The following DCPS variants were observed in gnomAD, a reference collection of about 807,000 sequenced individuals.
The protein encoded by DCPS is decapping enzyme, scavenger, also known as m7GpppX diphosphatase.
Under a neutral mutation model 34.7 loss-of-function variants are expected in DCPS, and 27 were observed. The observed-to-expected ratio is 0.78, with a 90% confidence interval of 0.57 to 1.07. DCPS has a LOEUF of 1.07. Ranked by LOEUF, DCPS falls within the 50% of genes least tolerant of loss-of-function variation. The pLI is 0.00. For missense variants in DCPS, 464 were observed against 436.9 expected (o/e 1.06, Z -0.55); for synonymous variants, 185 against 185.7 (o/e 1.00, Z 0.03).
intron 2 of DCPS, among the ~76,000 whole-genome samples, chr11:126,324,078 C>G (rs193112940): frequency 6.6e-6 from 1 of 152,148 alleles, no homozygotes; most frequent in African/African-American, 2.4e-5. Context: ...GTGATCCGTC[C>G]GCCTTGGCCT....
rs747313467 is a variant in DCPS, at chr11:126,309,020, G to GC, written c.376+2280dup. ...ATGTTAGTTCATCTTTTCTTTTCCTGCCCCTTTTTTTTTTTTTTTTTGAGA... is the reference window on the plus strand; with the variant it reads ...ATGTTAGTTCATCTTTTCTTTTCCTGCCCCCTTTTTTTTTTTTTTTTTGAGA... On this transcript the variant is annotated intron_variant, in intron 2 of 5. Coordinates refer to ENST00000263579, the MANE Select transcript of DCPS (RefSeq NM_014026.6). 5.2e-4 allele frequency among the ~76,000 whole-genome samples: 68 copies of GC among 130,982 alleles called. 2 individuals carry two copies. The highest frequency in any genetic ancestry group is 9.1e-4 in the East Asian group (4 of 4,376). The allele number at this position is 130,982 out of a possible 152,430, so 85.9% of individuals were successfully genotyped here. A position where few individuals can be genotyped will look rare whatever the true frequency, so the allele number is the denominator to read the frequency against.
chr11:126,310,620 C>G (rs146111241), intron 2 of DCPS, among the ~76,000 whole-genome samples: 305 of 152,336 alleles, frequency 2.0e-3, no homozygotes, highest in African/African-American at 6.6e-3. Context: ...ACAAACTGAC[C>G]TATGTGTAGA....
At position 126,348,621 on chromosome 11, in the gene DCPS, A is replaced by T. The variant is rs1182161185; in HGVS notation, c.*3008A>T. Among the ~76,000 whole-genome samples the T allele has an allele frequency of 6.6e-6, 1 of 152,220 alleles. No homozygotes were observed. Among genetic ancestry groups the T allele is most frequent in the Non-Finnish European group, 1.5e-5 (1 of 68,040 alleles). ...TCCAAAAGCATAGTCTGTCTTTATT[A>T]GGGTGACCTTCATATCAGACTCCCA... On this transcript the variant is annotated 3_prime_UTR_variant, in exon 6 of 6. Transcript: ENST00000263579. The surrounding 1 kb of genome is among the most constrained non-coding windows in gnomAD (Gnocchi z 5.3).
In DCPS at chr11:126,312,542, C is replaced by T. The variant is rs1447012859; in HGVS notation, c.376+5798C>T. On this transcript the variant is annotated intron_variant, in intron 2 of 5. Transcript: ENST00000263579. This position sits in a 1 kb window ranked among gnomAD's most constrained non-coding sequence, Gnocchi z 5.1. ...TTTTAATAGAGATGGGTTTTCACCA[C>T]GTTGGCCAGGCTGGTCTCAAACTCC... is the stretch of plus-strand genomic sequence containing the variant. 6.6e-6 allele frequency among the ~76,000 whole-genome samples: 1 copy of T among 151,898 alleles called. No homozygotes were observed. The highest frequency in any genetic ancestry group is 6.6e-5 in the Admixed American group (1 of 15,220).
rs112209917 is a variant in DCPS at position 126,333,865 on chromosome 11, T to TTCTCTCTC, written c.522+2335_522+2342dup. Among the ~76,000 whole-genome samples, 97 of 149,298 alleles carry TTCTCTCTC rather than the reference T, an allele frequency of 6.5e-4. 3 individuals are homozygous for TTCTCTCTC. The South Asian group carries it at 0.014, about 22-fold the overall frequency. On this transcript the variant is annotated intron_variant, in intron 3 of 5. Transcript: ENST00000263579. The surrounding 1 kb of genome is among the most constrained non-coding windows in gnomAD (Gnocchi z 5.7). ...ACGCTTCAGGGAGTGGAGCTGGGAA[T>TTCTCTCTC]TCTCTCTCTCTCTCTCTCTCTCTCT...
rs1361279488 is a variant in DCPS at position 126,323,242 on chromosome 11, G to T, written c.377-8163G>T. 1.3e-5 allele frequency among the ~76,000 whole-genome samples: 2 copies of T among 152,196 alleles called. No individual in the cohort carries two copies. Among genetic ancestry groups the T allele is most frequent in the Non-Finnish European group, 2.9e-5 (2 of 68,030 alleles). On this transcript the variant is annotated intron_variant, in intron 2 of 5. Coordinates refer to ENST00000263579, the MANE Select transcript of DCPS (RefSeq NM_014026.6). The surrounding 1 kb of genome is among the most constrained non-coding windows in gnomAD (Gnocchi z 4.4). ...GCACAACTTGAGTTTGTGATTCACA[G>T]TTTACAAATTTGATAATTCTGTACT...
chr11:126,307,245 C>T (rs1320891156), intron 2 of DCPS, among the ~76,000 whole-genome samples: 2 of 150,584 alleles, frequency 1.3e-5, no homozygotes, highest in Non-Finnish European at 3.0e-5. Flanking sequence ...AGGTGGGAGA[C>T]TCGCTTGAAC....
At position 126,328,175 on chromosome 11, in the gene DCPS, C is replaced by T. The variant is rs569581087; in HGVS notation, c.377-3230C>T. Among the ~76,000 whole-genome samples the T allele has an allele frequency of 1.1e-4, 17 of 152,066 alleles. No individual in the cohort carries two copies. Among genetic ancestry groups the T allele is most frequent in the African/African-American group, 3.1e-4 (13 of 41,390 alleles). On this transcript the variant is annotated intron_variant, in intron 2 of 5. Coordinates refer to ENST00000263579, the MANE Select transcript of DCPS (RefSeq NM_014026.6). The surrounding 1 kb of genome is among the most constrained non-coding windows in gnomAD (Gnocchi z 6.6). Reference sequence around the variant, plus strand: ...GCGCGGCTGGAGCAGAGGCCCTAAGCGGGAGAGAGGCAGTGCATGAAGGTG... The same window carrying T: ...GCGCGGCTGGAGCAGAGGCCCTAAGTGGGAGAGAGGCAGTGCATGAAGGTG...
rs35836343 is a variant in DCPS, at chr11:126,343,347, G to A, written c.677G>A (p.Gly226Asp). Residue 226 changes from glycine (G) to aspartate (D), a missense_variant, in exon 5 of 6, where the codon GGC becomes GAC. Transcript: ENST00000263579. ...LYLIAICHRR[G>D]IRSLRDLTPE... is the part of the protein sequence containing the mutation. ...TTGATCGCCATCTGCCATCGCCGGG[G>A]CATCAGATCCCTACGCGACCTTACT... 7,922 of 1,613,898 alleles carry A rather than the reference G, an allele frequency of 4.9e-3. 40 individuals carry two copies. The highest frequency in any genetic ancestry group is 5.4e-3 in the Non-Finnish European group (6,406 of 1,179,930).
rs1307526835 is a variant in DCPS at position 126,319,965 on chromosome 11, G to GTTATAT, written c.377-11440_377-11439insTTATAT. Among the ~76,000 whole-genome samples, 12 of 151,568 alleles carry GTTATAT rather than the reference G, an allele frequency of 7.9e-5. No individual in the cohort carries two copies. Among genetic ancestry groups the GTTATAT allele is most frequent in the African/African-American group, 2.9e-4 (12 of 41,258 alleles). ...AAATATATATAACTCCATCATCCAG[G>GTTATAT]ATTGATCTCTCTTAACATCTCAGAG... On this transcript the variant is annotated intron_variant, in intron 2 of 5. Transcript: ENST00000263579. The surrounding 1 kb of genome is among the most constrained non-coding windows in gnomAD (Gnocchi z 4.5).
Position 126,337,627 on chromosome 11 carries a change from A to C in DCPS, c.523-659A>C, listed in dbSNP as rs1217818665. On this transcript the variant is annotated intron_variant, in intron 3 of 5. Transcript: ENST00000263579. This position sits in a 1 kb window ranked among gnomAD's most constrained non-coding sequence, Gnocchi z 5.3. Reference sequence around the variant, plus strand: ...GAGGTCACTGTCTCTGTGTCTCTACATAGCTTTCGTTTCTGCTTTGCCATG... The same window carrying C: ...GAGGTCACTGTCTCTGTGTCTCTACCTAGCTTTCGTTTCTGCTTTGCCATG... 6 of 152,998 alleles carry C rather than the reference A, an allele frequency of 3.9e-5. No homozygotes were observed. In the East Asian group the frequency reaches 1.2e-3, roughly 29 times the overall value. 9.5% of individuals were successfully genotyped at this position (152,998 alleles called of 1,614,324 possible). A position where few individuals can be genotyped will look rare whatever the true frequency, so the allele number is the denominator to read the frequency against.
In DCPS at chr11:126,333,757, C is replaced by G. The variant is rs1415368182; in HGVS notation, c.522+2207C>G. ...ACTTTGTCCAGGGGGCCAGGAGTTCCTGAACCTTGCTTACCATCAGGATTG... is the reference window on the plus strand; with the variant it reads ...ACTTTGTCCAGGGGGCCAGGAGTTCGTGAACCTTGCTTACCATCAGGATTG... On this transcript the variant is annotated intron_variant, in intron 3 of 5. Transcript: ENST00000263579. This position sits in a 1 kb window ranked among gnomAD's most constrained non-coding sequence, Gnocchi z 5.7. Among the ~76,000 whole-genome samples, 1 of 152,170 alleles carries G rather than the reference C, an allele frequency of 6.6e-6. No homozygotes were observed. The highest frequency in any genetic ancestry group is 1.5e-5 in the Non-Finnish European group (1 of 68,036).
chr11:126,331,668 G>T lies in DCPS; in HGVS notation c.522+118G>T, dbSNP rs574079913. Reference sequence around the variant, plus strand: ...CGCTGTGCTGGGCGAGGGGATGGGGGTACAGTAGAGAGCATGGCGGACAGA... The same window carrying T: ...CGCTGTGCTGGGCGAGGGGATGGGGTTACAGTAGAGAGCATGGCGGACAGA... On this transcript the variant is annotated intron_variant, in intron 3 of 5. Coordinates refer to ENST00000263579, the MANE Select transcript of DCPS (RefSeq NM_014026.6). This position sits in a 1 kb window ranked among gnomAD's most constrained non-coding sequence, Gnocchi z 7.2. The T allele has an allele frequency of 2.9e-4, 372 of 1,281,736 alleles. No individual in the cohort carries two copies. The highest frequency in any genetic ancestry group is 1.4e-3 in the South Asian group (99 of 70,056). The allele number at this position is 1,281,736 out of a possible 1,614,324, so 79.4% of individuals were successfully genotyped here.
rs1319951437 is a variant in DCPS, at chr11:126,331,463, C to T, written c.435C>T (p.Arg145=). ...AGAAACACCTGCAGAAGTACCTGCG[C>T]CAGGACCTCCGCCTGATCCGAGAGA... ...ATEKHLQKYL[R]QDLRLIRETG... is the part of the protein sequence containing the mutation. Residue 145 remains arginine, a synonymous_variant, in exon 3 of 6, where the codon CGC becomes CGT. Transcript: ENST00000263579. This position sits in a 1 kb window ranked among gnomAD's most constrained non-coding sequence, Gnocchi z 7.2. 1.2e-6 allele frequency: 2 copies of T among 1,614,012 alleles called. No individual in the cohort carries two copies. Among genetic ancestry groups the T allele is most frequent in the Non-Finnish European group, 1.7e-6 (2 of 1,180,038 alleles).
At chr11:126,306,063 C>T (rs1354355063) in intron 1 of DCPS, among the ~76,000 whole-genome samples, 1 of 152,176 alleles carries the variant, frequency 6.6e-6, no homozygotes, top group Non-Finnish European at 1.5e-5. Context: ...AGAACTGCCA[C>T]AAGGATTTGG....
chr11:126,349,623 C>T lies in DCPS; in HGVS notation c.*4010C>T, dbSNP rs1951973216. ...AGAAACAACTACATACGAAGTAATA[C>T]TTGAAAATGTTTCTCTTGTAATACT... On this transcript the variant is annotated 3_prime_UTR_variant, in exon 6 of 6. Coordinates refer to ENST00000263579, the MANE Select transcript of DCPS (RefSeq NM_014026.6). The surrounding 1 kb of genome is among the most constrained non-coding windows in gnomAD (Gnocchi z 5.4). Among the ~76,000 whole-genome samples the T allele has an allele frequency of 2.0e-5, 3 of 152,184 alleles. No individual in the cohort carries two copies. The South Asian group carries it at 6.2e-4, about 31-fold the overall frequency.
At chr11:126,340,686 GCTTTCCTAGC>G (rs1951868666) in intron 4 of DCPS, among the ~76,000 whole-genome samples, 1 of 152,176 alleles carries the variant, frequency 6.6e-6, no homozygotes, top group South Asian at 2.1e-4. Context: ...GCTTTGAGGA[GCTTTCCTAGC>G]CACCTTGAAT....
chr11:126,306,504 G>A (rs1220664946), intron 1 of DCPS, 66 bp from the exon 2 acceptor site: 2 of 1,459,558 alleles, frequency 1.4e-6, no homozygotes, highest in Non-Finnish European at 1.8e-6. Flanking sequence ...GGGAGCTTCT[G>A]TCTTGCTCTC....
rs1391050009 is a variant in DCPS at position 126,346,843 on chromosome 11, A to AG, written c.*1233dup. Among the ~76,000 whole-genome samples the AG allele has an allele frequency of 1.3e-5, 2 of 152,194 alleles. No homozygotes were observed. The highest frequency in any genetic ancestry group is 2.9e-5 in the Non-Finnish European group (2 of 68,016). Reference sequence around the variant, plus strand: ...TGCAGCCAACCTGCTTCAGGGTCTCAGGGCCTGCTGTGGACCCCCATGGTC... The same window carrying AG: ...TGCAGCCAACCTGCTTCAGGGTCTCAGGGGCCTGCTGTGGACCCCCATGGTC... On this transcript the variant is annotated 3_prime_UTR_variant, in exon 6 of 6. Coordinates refer to ENST00000263579, the MANE Select transcript of DCPS (RefSeq NM_014026.6). This position sits in a 1 kb window ranked among gnomAD's most constrained non-coding sequence, Gnocchi z 4.1.
Sources: allele counts gnomAD v4.1 joint callset (sites outside exome capture counted in the v4.1 genomes callset), GRCh38; gene constraint gnomAD v4.1.1; non-coding constraint Gnocchi (gnomAD v3.1); transcripts MANE v1.5; gene names NCBI Gene and HGNC (gene_info 2026-07-23, HGNC 2026-07-21).